PHTF2: variants seen among roughly 807,000 people sequenced by gnomAD.
PHTF2 encodes the protein protein PHTF2.
Under a neutral mutation model 101.2 loss-of-function variants are expected in PHTF2, and 60 were observed. The observed-to-expected ratio is 0.59, with a 90% CI of 0.48 to 0.73. The LOEUF (loss-of-function observed/expected upper bound fraction) is 0.73. PHTF2 is among the 30% of genes least tolerant of loss of function. PHTF2 has a pLI of 0.00. For missense variants in PHTF2, 747 were observed against 908.7 expected, an observed-to-expected ratio of 0.82 and a Z score of 2.29; for synonymous variants, 311 against 307.3, an observed-to-expected ratio of 1.01 and a Z score of -0.13.
At chr7:77,882,756 TG>T (rs1344090720) in intron 3 of PHTF2, among the ~76,000 whole-genome samples, 1 of 152,158 alleles carries the variant, frequency 6.6e-6, no homozygotes, top group Non-Finnish European at 1.5e-5. Context: ...ATTTGGTAGT[TG>T]TTATGCATTT....
At chr7:77,828,059 T>C (rs1794820295) in intron 1 of PHTF2, among the ~76,000 whole-genome samples, 2 of 152,236 alleles carry the variant, frequency 1.3e-5, no homozygotes, top group South Asian at 4.1e-4. Context: ...GCCATTTAGA[T>C]ATCATTTAGT....
chr7:77,885,531 G>A (rs1799762845), intron 3 of PHTF2, among the ~76,000 whole-genome samples: 3 of 151,890 alleles, frequency 2.0e-5, no homozygotes, highest in African/African-American at 2.4e-5. Context: ...TGCAACCTCC[G>A]CCTCCCAGGT....
intron 17 of PHTF2, among the ~76,000 whole-genome samples, chr7:77,950,534 G>C (rs1004887821): frequency 2.0e-5 from 3 of 152,124 alleles, no homozygotes; most frequent in Non-Finnish European, 4.4e-5. Context: ...GGTGGTGCGT[G>C]CCTGTAATCC....
intron 2 of PHTF2, among the ~76,000 whole-genome samples, chr7:77,844,565 A>C (rs1196813358): frequency 6.6e-6 from 1 of 152,174 alleles, no homozygotes; most frequent in East Asian, 1.9e-4. Flanking sequence ...TCACTCTTTC[A>C]CCCTGGCTGG....
chr7:77,921,442 T>C (rs1160218176), intron 10 of PHTF2, among the ~76,000 whole-genome samples: 2 of 152,230 alleles, frequency 1.3e-5, no homozygotes, highest in Non-Finnish European at 2.9e-5. Context: ...GTTACCTCTC[T>C]TACATTTGGG....
At chr7:77,823,065 C>A (rs1056124595) in intron 1 of PHTF2, among the ~76,000 whole-genome samples, 7 of 151,400 alleles carry the variant, frequency 4.6e-5, no homozygotes, top group African/African-American at 1.7e-4. Context: ...CTACCACGCC[C>A]GGCTAATTTT....
chr7:77,847,828 C>T (rs1584477070), intron 2 of PHTF2, among the ~76,000 whole-genome samples: 1 of 152,108 alleles, frequency 6.6e-6, no homozygotes, highest in Non-Finnish European at 1.5e-5. Flanking sequence ...TGTGGTTTTG[C>T]ACCCATTAAC....
At chr7:77,831,568 A>T (rs1040467518) in intron 1 of PHTF2, among the ~76,000 whole-genome samples, 1 of 152,228 alleles carries the variant, frequency 6.6e-6, no homozygotes, top group Admixed American at 6.5e-5. Flanking sequence ...TGACGTTGAC[A>T]ACAAGGCAGT....
At chr7:77,809,224 G>GTTTTTTTTTTTTTTTTTTTTTTT (rs34141515) in intron 1 of PHTF2, among the ~76,000 whole-genome samples, 1 of 98,510 alleles carries the variant, frequency 1.0e-5, no homozygotes, top group Non-Finnish European at 1.9e-5. Context: ...CCAGTTCGTT[G>GTTTTTTTTTTTTTTTTTTTTTTT]TTTTTTTTTT....
chr7:77,836,965 T>TA (rs1027402949), intron 1 of PHTF2, among the ~76,000 whole-genome samples: 3 of 79,466 alleles, frequency 3.8e-5, no homozygotes, highest in Non-Finnish European at 5.3e-5. Context: ...TAAAGTATAA[T>TA]AAAAAAAGCA....
intron 12 of PHTF2, among the ~76,000 whole-genome samples, chr7:77,935,214 CTTTTTT>C (rs1158677069): frequency 3.4e-5 from 2 of 59,246 alleles, no homozygotes; most frequent in Non-Finnish European, 6.5e-5. Flanking sequence ...GTAATTTACC[CTTTTTT>C]TTTTTTTTTT....
At chr7:77,947,142 G>A (rs953091165) in intron 16 of PHTF2, among the ~76,000 whole-genome samples, 3 of 135,740 alleles carry the variant, frequency 2.2e-5, no homozygotes, top group South Asian at 2.5e-4. Context: ...AACAACAAAC[G>A]CATATGTTAT....
chr7:77,899,363 T>C (rs891968633), intron 5 of PHTF2, among the ~76,000 whole-genome samples: 1 of 152,052 alleles, frequency 6.6e-6, no homozygotes, highest in African/African-American at 2.4e-5. Flanking sequence ...AATTTTTTTT[T>C]TTTCACTCCA....
intron 3 of PHTF2, among the ~76,000 whole-genome samples, chr7:77,857,309 T>C (rs1233796570): frequency 6.6e-6 from 1 of 152,036 alleles, no homozygotes; most frequent in African/African-American, 2.4e-5. Flanking sequence ...GCCCCAGAGG[T>C]CATGAATAGG....
intron 10 of PHTF2, among the ~76,000 whole-genome samples, chr7:77,922,309 G>A (rs1191438982): frequency 6.6e-6 from 1 of 152,038 alleles, no homozygotes; most frequent in Non-Finnish European, 1.5e-5. Flanking sequence ...TTACAGGCTT[G>A]AGCCACTGTG....
chr7:77,952,714 C>G (rs1380867605), intron 18 of PHTF2, among the ~76,000 whole-genome samples: 1 of 152,148 alleles, frequency 6.6e-6, no homozygotes, highest in Non-Finnish European at 1.5e-5. Flanking sequence ...CAGCCACAAT[C>G]TCAGAGCAAA....
intron 1 of PHTF2, among the ~76,000 whole-genome samples, chr7:77,833,048 A>G (rs1403467957): frequency 2.0e-5 from 3 of 152,230 alleles, no homozygotes; most frequent in Non-Finnish European, 4.4e-5. Flanking sequence ...CTGTCTCCAA[A>G]TATTTTACTG....
intron 1 of PHTF2, among the ~76,000 whole-genome samples, chr7:77,831,680 G>A (rs1000528426): frequency 7.2e-5 from 11 of 152,132 alleles, no homozygotes; most frequent in African/African-American, 2.7e-4. Context: ...GAACTGATTT[G>A]GTAATTTTGT....
chr7:77,897,986 G>GT (rs35435936), intron 5 of PHTF2, among the ~76,000 whole-genome samples: 16,154 of 137,652 alleles, frequency 0.12, 1,070 homozygotes, highest in South Asian at 0.2. Context: ...CTGGCCTTCT[G>GT]TTTTTTTTTT....
Sources: gnomAD v4.1 joint callset for allele counts (sites outside exome capture counted in the v4.1 genomes callset) on GRCh38, gnomAD v4.1.1 for gene constraint, MANE v1.5 for transcripts, NCBI Gene and HGNC (gene_info 2026-07-23, HGNC 2026-07-21) for gene names.